PCDHGA9: variants seen among roughly 807,000 people sequenced by gnomAD.
PCDHGA9 encodes the protein protocadherin gamma subfamily A, 9.
PCDHGA9 carries 37 observed loss-of-function variants against 62.5 expected under a neutral mutation model. The observed-to-expected ratio is 0.59, with a 90% CI of 0.46 to 0.78. PCDHGA9 has a LOEUF of 0.78. PCDHGA9 is among the 30% of genes least tolerant of loss of function. The probability of loss-of-function intolerance (pLI) is 0.00; values close to 1 mark genes in which losing one functional copy is unlikely to be tolerated. For missense variants in PCDHGA9, 1,138 were observed against 1,166.2 expected (o/e 0.98, Z 0.35); for synonymous variants, 459 against 484.6 (o/e 0.95, Z 0.69).
Position 141,512,040 on chromosome 5 carries a change from A to G in PCDHGA9, c.*867A>G, listed in dbSNP as rs775766584. 1.3e-5 allele frequency: 2 copies of G among 152,838 alleles called. No homozygotes were observed. The highest frequency in any genetic ancestry group is 2.9e-5 in the Non-Finnish European group (2 of 68,198). 9.5% of individuals were successfully genotyped at this position (152,838 alleles called of 1,614,324 possible). A position where few individuals can be genotyped will look rare whatever the true frequency, so the allele number is the denominator to read the frequency against. ...ATCAAGGCCTTGGAGGAGGCTCTGT[A>G]TGTCCTCAGGGGACTGACAACATCC... On this transcript the variant is annotated 3_prime_UTR_variant, in exon 4 of 4. Coordinates refer to ENST00000573521, the MANE Select transcript of PCDHGA9 (RefSeq NM_018921.3).
chr5:141,409,237 A>G lies in PCDHGA9; in HGVS notation c.2424+3861A>G, dbSNP rs375806619. The G allele has an allele frequency of 7.2e-5, 116 of 1,614,054 alleles. 2 individuals are homozygous for G. Among genetic ancestry groups the G allele is most frequent in the East Asian group, 6.5e-4 (29 of 44,886 alleles). ...TCCTTGATGAAAACGACAACAGCCC[A>G]GAAATAATCATCACTTCTCTCTCTG... On this transcript the variant is annotated intron_variant, in intron 1 of 3. Coordinates refer to ENST00000573521, the MANE Select transcript of PCDHGA9 (RefSeq NM_018921.3).
In PCDHGA9 at chr5:141,491,632, C is replaced by T; in HGVS notation, c.2425-3175C>T. On this transcript the variant is annotated intron_variant, in intron 1 of 3. Transcript: ENST00000573521. This position sits in a 1 kb window ranked among gnomAD's most constrained non-coding sequence, Gnocchi z 6.9. ...TCTAAGACCCCTCAGCGTTCAGCAG[C>T]CCACAGCTCTGGCGCTGGAGCCTGA... 1.2e-6 allele frequency: 2 copies of T among 1,613,886 alleles called. No individual in the cohort carries two copies. The highest frequency in any genetic ancestry group is 1.7e-6 in the Non-Finnish European group (2 of 1,179,994).
At chr5:141,479,189 G>A (rs1466742057) in intron 1 of PCDHGA9, 3 of 152,358 alleles carry the variant, frequency 2.0e-5, no homozygotes, top group African/African-American at 7.2e-5. Flanking sequence ...AGAAAATTCA[G>A]AAAATACAGA....
intron 1 of PCDHGA9, among the ~76,000 whole-genome samples, chr5:141,436,557 A>G (rs1224841336): frequency 6.6e-6 from 1 of 152,218 alleles, no homozygotes; most frequent in Non-Finnish European, 1.5e-5. Flanking sequence ...GAGCTTCAGC[A>G]AAGTAGGAAT....
chr5:141,414,498 C>CT (rs748856262), intron 1 of PCDHGA9: 40 of 1,613,848 alleles, frequency 2.5e-5, no homozygotes, highest in Non-Finnish European at 3.3e-5. Context: ...CGGAAGCTCA[C>CT]TTTATGCTAC....
chr5:141,476,716 C>T lies in PCDHGA9; in HGVS notation c.2425-18091C>T. On this transcript the variant is annotated intron_variant, in intron 1 of 3. Transcript: ENST00000573521. This position sits in a 1 kb window ranked among gnomAD's most constrained non-coding sequence, Gnocchi z 7.6. ...AGTACGCGGAGCTGGTGTTGGAGCG[C>T]GCCCTGGACCGAGAACGGGAGCCTA... 15 of 1,614,148 alleles carry T rather than the reference C, an allele frequency of 9.3e-6. No homozygotes were observed. The highest frequency in any genetic ancestry group is 1.3e-5 in the Non-Finnish European group (15 of 1,180,036).
intron 1 of PCDHGA9, chr5:141,421,364 T>C (rs975166167): frequency 3.7e-6 from 6 of 1,613,994 alleles, no homozygotes; most frequent in African/African-American, 1.3e-5. Context: ...GGCTCCTTCG[T>C]GGGCAATATC....
intron 1 of PCDHGA9, among the ~76,000 whole-genome samples, chr5:141,479,996 G>A (rs759188600): frequency 7.2e-5 from 11 of 152,244 alleles, no homozygotes; most frequent in Middle Eastern, 3.2e-3. Context: ...CTAGGAGTCT[G>A]TGGCCAAGTT....
chr5:141,410,078 G>T, intron 1 of PCDHGA9: 4 of 1,612,820 alleles, frequency 2.5e-6, no homozygotes, highest in East Asian at 2.2e-5. Flanking sequence ...CACTGGGGAG[G>T]TGCGCACGGC....
intron 1 of PCDHGA9, chr5:141,413,180 C>T: frequency 6.2e-7 from 1 of 1,602,612 alleles, no homozygotes; most frequent in Non-Finnish European, 8.5e-7. Flanking sequence ...ACTACAATGG[C>T]CGCTCAAAGG....
chr5:141,489,530 G>A lies in PCDHGA9; in HGVS notation c.2425-5277G>A. 6.2e-7 allele frequency: 1 copy of A among 1,614,092 alleles called. No homozygotes were observed. Among genetic ancestry groups the A allele is most frequent in the Non-Finnish European group, 8.5e-7 (1 of 1,180,022 alleles). On this transcript the variant is annotated intron_variant, in intron 1 of 3. Transcript: ENST00000573521. This position sits in a 1 kb window ranked among gnomAD's most constrained non-coding sequence, Gnocchi z 4.5. ...AAGATTGACCGAGAAAGCCTATGTGGAGCCAGCACCAGCTGCCTGCTGCCA... is the reference window on the plus strand; with the variant it reads ...AAGATTGACCGAGAAAGCCTATGTGAAGCCAGCACCAGCTGCCTGCTGCCA...
At chr5:141,409,954 C>T (rs774233531) in intron 1 of PCDHGA9, 3 of 1,613,356 alleles carry the variant, frequency 1.9e-6, no homozygotes, top group South Asian at 1.1e-5. Flanking sequence ...CTGCAGAGCC[C>T]GGCTACCTAG....
At chr5:141,414,856 G>C (rs1269714202) in intron 1 of PCDHGA9, 2 of 1,614,216 alleles carry the variant, frequency 1.2e-6, no homozygotes, top group Non-Finnish European at 8.5e-7. Flanking sequence ...GGACCAGAAC[G>C]ACAATGCGCC....
At chr5:141,426,963 C>G (rs1008659501) in intron 1 of PCDHGA9, 1 of 456,646 alleles carries the variant, frequency 2.2e-6, no homozygotes, top group African/African-American at 2.0e-5. Flanking sequence ...TGCTGCAATT[C>G]AAATTGAGGT....
chr5:141,510,833 C>G, intron 3 of PCDHGA9, 114 bp from the exon 4 acceptor site: 2 of 1,577,796 alleles, frequency 1.3e-6, no homozygotes, highest in Admixed American at 1.7e-5. Context: ...CAGTGCTCAG[C>G]GTGGTCAAGG....
At position 141,476,980 on chromosome 5, in the gene PCDHGA9, C is replaced by T; in HGVS notation, c.2425-17827C>T. 6.2e-7 allele frequency: 1 copy of T among 1,614,232 alleles called. No individual in the cohort carries two copies. Among genetic ancestry groups the T allele is most frequent in the Non-Finnish European group, 8.5e-7 (1 of 1,180,044 alleles). On this transcript the variant is annotated intron_variant, in intron 1 of 3. Coordinates refer to ENST00000573521, the MANE Select transcript of PCDHGA9 (RefSeq NM_018921.3). This position sits in a 1 kb window ranked among gnomAD's most constrained non-coding sequence, Gnocchi z 7.6. Reference sequence around the variant, plus strand: ...TTTACTCCTTCGGCAGCCACAACCGCGCCGGCGTGCGGCAACTATTCGCCT... The same window carrying T: ...TTTACTCCTTCGGCAGCCACAACCGTGCCGGCGTGCGGCAACTATTCGCCT...
intron 1 of PCDHGA9, chr5:141,478,529 A>G: frequency 6.2e-7 from 1 of 1,609,580 alleles, no homozygotes; most frequent in Non-Finnish European, 8.5e-7. Flanking sequence ...GGGTGCAGAG[A>G]GCGCCCCTCC....
intron 1 of PCDHGA9, among the ~76,000 whole-genome samples, chr5:141,443,016 G>T (rs1325670377): frequency 6.6e-6 from 1 of 152,204 alleles, no homozygotes; most frequent in East Asian, 1.9e-4. Context: ...TATGACTAAT[G>T]GAAGTTGCCA....
At chr5:141,415,966 C>A in intron 1 of PCDHGA9, 1 of 405,602 alleles carries the variant, frequency 2.5e-6, no homozygotes, top group East Asian at 5.2e-5. Context: ...AAACTCCAGC[C>A]CCTTAAGCAA....
Sources: gnomAD v4.1 joint callset for allele counts (sites outside exome capture counted in the v4.1 genomes callset) on GRCh38, gnomAD v4.1.1 for gene constraint, Gnocchi (gnomAD v3.1) non-coding constraint, MANE v1.5 for transcripts, NCBI Gene and HGNC (gene_info 2026-07-23, HGNC 2026-07-21) for gene names.